ST3GAL1: variants seen among roughly 807,000 people sequenced by gnomAD.
The protein encoded by ST3GAL1 is CMP-N-acetylneuraminate-beta-galactosamide-alpha-2,3-sialyltransferase 1.
ST3GAL1 carries 16 observed loss-of-function variants against 34.1 expected under a neutral mutation model. The observed-to-expected ratio is 0.47, with a 90% CI of 0.32 to 0.71. The LOEUF is 0.71. Ranked by LOEUF, ST3GAL1 falls within the 30% of genes least tolerant of loss-of-function variation. The pLI is 0.04. For synonymous variants in ST3GAL1, 191 were observed against 184.7 expected (o/e 1.03, Z -0.28); for missense variants, 353 against 447.4 (o/e 0.79, Z 1.90).
chr8:133,462,033 G>T (rs758111033), intron 8 of ST3GAL1, 39 bp from the exon 9 acceptor site: 1 of 1,613,010 alleles, frequency 6.2e-7, no homozygotes, highest in South Asian at 1.1e-5. Context: ...GTGAGTTCTG[G>T]GGGGCAAAGG....
chr8:133,557,088 C>T (rs1819058911), intron 1 of ST3GAL1, among the ~76,000 whole-genome samples: 1 of 152,184 alleles, frequency 6.6e-6, no homozygotes, highest in South Asian at 2.1e-4. Context: ...CTGTAAAACA[C>T]TGATAGCACT....
At chr8:133,487,604 A>G (rs1449907576) in intron 3 of ST3GAL1, among the ~76,000 whole-genome samples, 1 of 152,186 alleles carries the variant, frequency 6.6e-6, no homozygotes, top group Non-Finnish European at 1.5e-5. Context: ...TCATTCTTTC[A>G]TTTGACAATT....
rs1816988627 is a variant in ST3GAL1, at chr8:133,497,455, A to ATTTTTTTTTTTTTTTTTTTTTTTTTTTT, written c.-374+1679_-374+1680insAAAAAAAAAAAAAAAAAAAAAAAAAAAA. 7.9e-5 allele frequency among the ~76,000 whole-genome samples: 8 copies of ATTTTTTTTTTTTTTTTTTTTTTTTTTTT among 101,242 alleles called. 3 individuals are homozygous for ATTTTTTTTTTTTTTTTTTTTTTTTTTTT. Among genetic ancestry groups the ATTTTTTTTTTTTTTTTTTTTTTTTTTTT allele is most frequent in the African/African-American group, 3.8e-5 (1 of 26,532 alleles). 66.4% of individuals were successfully genotyped at this position (101,242 alleles called of 152,430 possible). On this transcript the variant is annotated intron_variant, in intron 3 of 9. Coordinates refer to ENST00000522652, the MANE Select transcript of ST3GAL1 (RefSeq NM_173344.3). ...CTTCTCTCCCATGCAATTTTGTTGG[A>ATTTTTTTTTTTTTTTTTTTTTTTTTTTT]ATTTTTTTTTTTTTTTTTTTTTTTT...
chr8:133,565,393 G>T (rs1819363954), intron 1 of ST3GAL1, among the ~76,000 whole-genome samples: 1 of 152,096 alleles, frequency 6.6e-6, no homozygotes, highest in Admixed American at 6.5e-5. Flanking sequence ...GGGCCTTGTG[G>T]TCTCTCTCTT....
intron 5 of ST3GAL1, among the ~76,000 whole-genome samples, chr8:133,472,751 G>A (rs907594103): frequency 6.6e-6 from 1 of 151,986 alleles, no homozygotes; most frequent in African/African-American, 2.4e-5. Flanking sequence ...GCCACCAGAG[G>A]CTAAACTTCA....
intron 2 of ST3GAL1, among the ~76,000 whole-genome samples, chr8:133,504,750 C>T (rs532655823): frequency 4.6e-5 from 7 of 152,068 alleles, no homozygotes; most frequent in Admixed American, 1.3e-4. Flanking sequence ...GGGAAGGCTT[C>T]GGAGAGGAGG....
intron 2 of ST3GAL1, among the ~76,000 whole-genome samples, chr8:133,502,278 G>T (rs1393534142): frequency 6.6e-6 from 1 of 152,062 alleles, no homozygotes; most frequent in Non-Finnish European, 1.5e-5. Flanking sequence ...GCTATGGAAT[G>T]AACCGTCCCC....
intron 3 of ST3GAL1, among the ~76,000 whole-genome samples, chr8:133,495,927 G>A (rs1384433522): frequency 2.0e-5 from 3 of 152,292 alleles, no homozygotes; most frequent in South Asian, 4.1e-4. Context: ...GCTGTGGAGG[G>A]CACACGCTGT....
In ST3GAL1 at chr8:133,570,737, C is replaced by T. The variant is rs918878504; in HGVS notation, c.-582+956G>A. 1.3e-5 allele frequency among the ~76,000 whole-genome samples: 2 copies of T among 152,144 alleles called. No homozygotes were observed. Among genetic ancestry groups the T allele is most frequent in the African/African-American group, 4.8e-5 (2 of 41,424 alleles). On this transcript the variant is annotated intron_variant, in intron 1 of 9. Transcript: ENST00000522652. This position sits in a 1 kb window ranked among gnomAD's most constrained non-coding sequence, Gnocchi z 5.6. ...CAGAGAAAGGAGGAGCGGAAAGTTG[C>T]GCCACCGTCCCGATTCCAAACTAAC...
chr8:133,537,216 G>A (rs183447826), intron 2 of ST3GAL1, among the ~76,000 whole-genome samples: 15 of 152,276 alleles, frequency 9.9e-5, no homozygotes, highest in African/African-American at 2.2e-4. Context: ...AGAGAGATGC[G>A]TGGGGGGAGG....
In ST3GAL1 at chr8:133,556,043, G is replaced by A. The variant is rs1218125115; in HGVS notation, c.-581-10117C>T. On this transcript the variant is annotated intron_variant, in intron 1 of 9. Coordinates refer to ENST00000522652, the MANE Select transcript of ST3GAL1 (RefSeq NM_173344.3). This position sits in a 1 kb window ranked among gnomAD's most constrained non-coding sequence, Gnocchi z 8.9. ...CGCGTAGCTGGGATTACAGGCACCT[G>A]CCACCACGCCTGGCTGATTTTTTTT... 6.6e-6 allele frequency among the ~76,000 whole-genome samples: 1 copy of A among 151,702 alleles called. No individual in the cohort carries two copies. The highest frequency in any genetic ancestry group is 2.4e-5 in the African/African-American group (1 of 41,248).
intron 2 of ST3GAL1, among the ~76,000 whole-genome samples, chr8:133,504,355 C>T (rs1817270982): frequency 6.6e-6 from 1 of 152,206 alleles, no homozygotes. Context: ...AGGCAAATGT[C>T]AAGTTTCTCT....
intron 2 of ST3GAL1, among the ~76,000 whole-genome samples, chr8:133,544,353 T>G (rs1818619200): frequency 6.6e-6 from 1 of 152,226 alleles, no homozygotes; most frequent in African/African-American, 2.4e-5. Context: ...CTTCCCAACC[T>G]GTCTATCGTA....
chr8:133,544,743 G>A (rs1191301017), intron 2 of ST3GAL1, among the ~76,000 whole-genome samples: 1 of 152,082 alleles, frequency 6.6e-6, no homozygotes, highest in Non-Finnish European at 1.5e-5. Flanking sequence ...TGTTTTACAT[G>A]GAGTCACATA....
rs193118415 is a variant in ST3GAL1, at chr8:133,508,647, T to A, written c.-428-9458A>T. On this transcript the variant is annotated intron_variant, in intron 2 of 9. Coordinates refer to ENST00000522652, the MANE Select transcript of ST3GAL1 (RefSeq NM_173344.3). The surrounding 1 kb of genome is among the most constrained non-coding windows in gnomAD (Gnocchi z 4.1). ...AGACCTTTCTCAAGAGCTGGGAGGATCCTCTATAACCACCGAGTCCAGACT... is the reference window on the plus strand; with the variant it reads ...AGACCTTTCTCAAGAGCTGGGAGGAACCTCTATAACCACCGAGTCCAGACT... Among the ~76,000 whole-genome samples, 18 of 151,922 alleles carry A rather than the reference T, an allele frequency of 1.2e-4. No homozygotes were observed. In the East Asian group the frequency reaches 3.5e-3, roughly 29 times the overall value.
At chr8:133,529,508 C>T (rs779499923) in intron 2 of ST3GAL1, among the ~76,000 whole-genome samples, 27 of 152,130 alleles carry the variant, frequency 1.8e-4, no homozygotes, top group Non-Finnish European at 2.5e-4. Flanking sequence ...AAGGTGAGGA[C>T]GCCAGGCGAG....
At position 133,556,056 on chromosome 8, in the gene ST3GAL1, G is replaced by A. The variant is rs1819009632; in HGVS notation, c.-581-10130C>T. ...TTACAGGCACCTGCCACCACGCCTG[G>A]CTGATTTTTTTTGTATTTTAGTAGA... On this transcript the variant is annotated intron_variant, in intron 1 of 9. Coordinates refer to ENST00000522652, the MANE Select transcript of ST3GAL1 (RefSeq NM_173344.3). This position sits in a 1 kb window ranked among gnomAD's most constrained non-coding sequence, Gnocchi z 8.9. Among the ~76,000 whole-genome samples the A allele has an allele frequency of 6.6e-6, 1 of 150,394 alleles. No individual in the cohort carries two copies. Among genetic ancestry groups the A allele is most frequent in the South Asian group, 2.1e-4 (1 of 4,780 alleles).
intron 2 of ST3GAL1, among the ~76,000 whole-genome samples, chr8:133,545,557 A>G: frequency 6.6e-6 from 1 of 152,192 alleles, no homozygotes; most frequent in East Asian, 1.9e-4. Flanking sequence ...GCTGCTAGAC[A>G]CTAACAGTCT....
chr8:133,485,626 C>G (rs1816556501), intron 3 of ST3GAL1, among the ~76,000 whole-genome samples: 1 of 152,162 alleles, frequency 6.6e-6, no homozygotes, highest in South Asian at 2.1e-4. Context: ...TGCACCAGGG[C>G]TAAAGAAAAC....
Sources: allele counts gnomAD v4.1 joint callset (sites outside exome capture counted in the v4.1 genomes callset), GRCh38; gene constraint gnomAD v4.1.1; non-coding constraint Gnocchi (gnomAD v3.1); transcripts MANE v1.5; gene names NCBI Gene and HGNC (gene_info 2026-07-23, HGNC 2026-07-21).